Variants in CACNG2 observed in about 807,000 individuals in gnomAD.
CACNG2 encodes voltage-dependent calcium channel gamma-2 subunit.
A neutral mutation model predicts 25.9 loss-of-function variants in CACNG2; 3 were observed. That is an observed-to-expected ratio of 0.12 (90% CI 0.05 to 0.30). The LOEUF (loss-of-function observed/expected upper bound fraction) is 0.30. CACNG2 is among the 10% of genes least tolerant of loss of function. The pLI, the probability that CACNG2 is intolerant of heterozygous loss-of-function variation, is 1.00. For missense variants in CACNG2, 341 were observed against 432.5 expected, an observed-to-expected ratio of 0.79 and a Z score of 1.88; for synonymous variants, 167 against 173.3, an observed-to-expected ratio of 0.96 and a Z score of 0.29.
rs1018722156 is a variant in CACNG2 at position 36,606,497 on chromosome 22, G to T, written c.212-18949C>A. 4.6e-5 allele frequency among the ~76,000 whole-genome samples: 7 copies of T among 152,170 alleles called. No individual in the cohort carries two copies. Among genetic ancestry groups the T allele is most frequent in the Non-Finnish European group, 8.8e-5 (6 of 68,036 alleles). On this transcript the variant is annotated intron_variant, in intron 1 of 3. Transcript: ENST00000300105. This position sits in a 1 kb window ranked among gnomAD's most constrained non-coding sequence, Gnocchi z 5.7. ...GGAGGTTCTAGGTGACTGCTGGGCT[G>T]CACTGTTACAGCACAGTACAGGATG...
intron 1 of CACNG2, among the ~76,000 whole-genome samples, chr22:36,676,157 T>C (rs190929253): frequency 2.0e-5 from 3 of 152,338 alleles, no homozygotes; most frequent in Admixed American, 6.5e-5. Context: ...CAAATATCTC[T>C]TGGGGGTATT....
Position 36,663,188 on chromosome 22 carries a change from C to T in CACNG2, c.211+39178G>A, listed in dbSNP as rs1020697651. On this transcript the variant is annotated intron_variant, in intron 1 of 3. Coordinates refer to ENST00000300105, the MANE Select transcript of CACNG2 (RefSeq NM_006078.5). ...TCGGTCTACGGGTGGGTGCCTGGTCCGGTGCCTGGCATGGAGGACGTGCTC... is the reference window on the plus strand; with the variant it reads ...TCGGTCTACGGGTGGGTGCCTGGTCTGGTGCCTGGCATGGAGGACGTGCTC... Among the ~76,000 whole-genome samples the T allele has an allele frequency of 1.2e-4, 18 of 152,066 alleles. No homozygotes were observed. In the South Asian group the frequency reaches 1.2e-3, roughly 11 times the overall value.
At chr22:36,682,338 G>A (rs540398320) in intron 1 of CACNG2, among the ~76,000 whole-genome samples, 77 of 152,330 alleles carry the variant, frequency 5.1e-4, no homozygotes, top group African/African-American at 1.8e-3. Flanking sequence ...AGGAAGAGAA[G>A]CCTAAAACAG....
chr22:36,636,511 C>T (rs1172598187), intron 1 of CACNG2, among the ~76,000 whole-genome samples: 1 of 152,150 alleles, frequency 6.6e-6, no homozygotes, highest in African/African-American at 2.4e-5. Flanking sequence ...AGAAATTGTC[C>T]CTGATAATGC....
chr22:36,631,065 G>A (rs1330258980), intron 1 of CACNG2, among the ~76,000 whole-genome samples: 1 of 152,066 alleles, frequency 6.6e-6, no homozygotes, highest in Admixed American at 6.5e-5. Context: ...TCCTGACCTC[G>A]TGATCCACCC....
At chr22:36,573,499 T>C (rs1935266314) in intron 2 of CACNG2, among the ~76,000 whole-genome samples, 1 of 152,116 alleles carries the variant, frequency 6.6e-6, no homozygotes. Flanking sequence ...ACCTGGCTAA[T>C]TTTTGTATTT....
chr22:36,658,905 TG>T (rs1936746621), intron 1 of CACNG2, among the ~76,000 whole-genome samples: 2 of 151,452 alleles, frequency 1.3e-5, no homozygotes, highest in African/African-American at 4.9e-5. Flanking sequence ...GGTATTGGGG[TG>T]GGGACAGCAA....
chr22:36,627,281 T>A (rs1007679703), intron 1 of CACNG2, among the ~76,000 whole-genome samples: 13 of 99,498 alleles, frequency 1.3e-4, no homozygotes, highest in African/African-American at 5.3e-4. Context: ...AGTGGGGACG[T>A]GTGTGTGTGT....
intron 1 of CACNG2, among the ~76,000 whole-genome samples, chr22:36,627,899 A>G (rs1936207893): frequency 1.3e-5 from 2 of 151,942 alleles, no homozygotes; most frequent in African/African-American, 4.8e-5. Flanking sequence ...AGGCTAACAA[A>G]ATATGATTAT....
chr22:36,644,865 G>A (rs1936495463), intron 1 of CACNG2, among the ~76,000 whole-genome samples: 1 of 151,918 alleles, frequency 6.6e-6, no homozygotes, highest in South Asian at 2.1e-4. Context: ...AAATTTCTTG[G>A]TAATGGGGTC....
At chr22:36,651,619 T>A (rs1936616912) in intron 1 of CACNG2, among the ~76,000 whole-genome samples, 2 of 152,196 alleles carry the variant, frequency 1.3e-5, no homozygotes, top group African/African-American at 4.8e-5. Flanking sequence ...ACATGCTATA[T>A]ATTTTACTTT....
At chr22:36,613,028 G>A (rs979410377) in intron 1 of CACNG2, among the ~76,000 whole-genome samples, 3 of 152,192 alleles carry the variant, frequency 2.0e-5, no homozygotes, top group South Asian at 2.1e-4. Context: ...TGCTGAACAA[G>A]GGGAGGTTAA....
chr22:36,564,445 T>C lies in CACNG2; in HGVS notation c.878A>G (p.Asp293Gly). 4 of 1,614,124 alleles carry C rather than the reference T, an allele frequency of 2.5e-6. No homozygotes were observed. Among genetic ancestry groups the C allele is most frequent in the Non-Finnish European group, 3.4e-6 (4 of 1,179,988 alleles). The change falls in exon 4 of 4, where the codon GAT (aspartate) becomes GGT (glycine). Residue 293 changes from aspartate (D) to glycine (G), a missense_variant. By Grantham distance (94) the Asp-to-Gly change is moderately conservative. Around this residue, in one of 2 missense-constraint regions of CACNG2, gnomAD observed 172 missense variants for 178.1 expected, o/e 0.97. Coordinates refer to ENST00000300105, the MANE Select transcript of CACNG2 (RefSeq NM_006078.5). This position sits in a 1 kb window ranked among gnomAD's most constrained non-coding sequence, Gnocchi z 6.7. ...GTTGTGAACCTGGAGGAAGCTGTTA[T>C]CCCTGTCGGAGTTGTAGGTGGCGGT... Reference protein sequence around the residue: ...TPTATYNSDRDNSFLQVHNCI... With the variant: ...TPTATYNSDRGNSFLQVHNCI...
At chr22:36,638,421 C>A (rs1202701443) in intron 1 of CACNG2, among the ~76,000 whole-genome samples, 1 of 152,176 alleles carries the variant, frequency 6.6e-6, no homozygotes, top group African/African-American at 2.4e-5. Context: ...GCTTCCATTG[C>A]CCCTGCTCTT....
intron 1 of CACNG2, among the ~76,000 whole-genome samples, chr22:36,695,699 G>A (rs1171827142): frequency 3.9e-5 from 6 of 152,046 alleles, no homozygotes; most frequent in Admixed American, 3.3e-4. Context: ...TAGAATCCCA[G>A]TATTATGAGC....
At chr22:36,665,896 T>C (rs1211587065) in intron 1 of CACNG2, among the ~76,000 whole-genome samples, 3 of 152,204 alleles carry the variant, frequency 2.0e-5, no homozygotes, top group Non-Finnish European at 2.9e-5. Flanking sequence ...GAAACCTGGG[T>C]CTCAAGGAGA....
chr22:36,638,886 G>A (rs553518896), intron 1 of CACNG2, among the ~76,000 whole-genome samples: 1 of 152,182 alleles, frequency 6.6e-6, no homozygotes, highest in African/African-American at 2.4e-5. Flanking sequence ...AAGTGCATGT[G>A]AGCATATTTA....
chr22:36,564,048 T>C lies in CACNG2; in HGVS notation c.*303A>G, dbSNP rs1935077014. The C allele has an allele frequency of 3.8e-6, 1 of 263,262 alleles. No homozygotes were observed. The highest frequency in any genetic ancestry group is 5.1e-5 in the Admixed American group (1 of 19,728). 16.3% of individuals were successfully genotyped at this position (263,262 alleles called of 1,614,324 possible). A position where few individuals can be genotyped will look rare whatever the true frequency, so the allele number is the denominator to read the frequency against. On this transcript the variant is annotated 3_prime_UTR_variant, in exon 4 of 4. Coordinates refer to ENST00000300105, the MANE Select transcript of CACNG2 (RefSeq NM_006078.5). The surrounding 1 kb of genome is among the most constrained non-coding windows in gnomAD (Gnocchi z 6.7). ...TTTTAGATTTATTTTCTATTTTTAA[T>C]TTTTTATCCCTCTCGCTTTTTTTTA...
chr22:36,675,009 T>C (rs1937002585), intron 1 of CACNG2, among the ~76,000 whole-genome samples: 1 of 152,234 alleles, frequency 6.6e-6, no homozygotes, highest in African/African-American at 2.4e-5. Flanking sequence ...CAATAAATCC[T>C]GCCTCATTAT....
Sources: allele counts gnomAD v4.1 joint callset (sites outside exome capture counted in the v4.1 genomes callset), GRCh38; gene constraint gnomAD v4.1.1; regional missense constraint gnomAD v4.1.1; non-coding constraint Gnocchi (gnomAD v3.1); transcripts MANE v1.5; gene names NCBI Gene and HGNC (gene_info 2026-07-23, HGNC 2026-07-21).